Variants in RBFOX3 observed in about 807,000 individuals in gnomAD.
RBFOX3 encodes the protein RNA binding fox-1 homolog 3, also known as RNA binding protein fox-1 homolog 3.
RBFOX3 carries 17 observed loss-of-function variants against 48.7 expected under a neutral mutation model. That is an observed-to-expected ratio of 0.35 (90% CI 0.24 to 0.52). The LOEUF (loss-of-function observed/expected upper bound fraction) is 0.52. Among genes scored for constraint, RBFOX3 ranks in the 20% least tolerant of loss-of-function variants. The pLI is 0.94. For missense variants in RBFOX3, 382 were observed against 497.5 expected (o/e 0.77, Z 2.21); for synonymous variants, 212 against 209.5 (o/e 1.01, Z -0.10).
chr17:79,445,410 C>G (rs936499483), intron 2 of RBFOX3, among the ~76,000 whole-genome samples: 2 of 152,160 alleles, frequency 1.3e-5, no homozygotes, highest in African/African-American at 2.4e-5. Flanking sequence ...CACTGCAGGG[C>G]TCTGGGGTCT....
chr17:79,129,617 G>A (rs2038285268), intron 4 of RBFOX3, among the ~76,000 whole-genome samples: 1 of 152,196 alleles, frequency 6.6e-6, no homozygotes, highest in Non-Finnish European at 1.5e-5. Flanking sequence ...AGGTGCAGAG[G>A]ACACCATAGC....
intron 2 of RBFOX3, among the ~76,000 whole-genome samples, chr17:79,386,134 G>A (rs2060531675): frequency 6.7e-6 from 1 of 149,254 alleles, no homozygotes; most frequent in Non-Finnish European, 1.5e-5. Context: ...ACAGAAAGAG[G>A]CTCCATCATC....
chr17:79,428,465 G>A (rs2148849585), intron 2 of RBFOX3, among the ~76,000 whole-genome samples: 1 of 152,356 alleles, frequency 6.6e-6, no homozygotes, highest in African/African-American at 2.4e-5. Context: ...AGCCCTCTTA[G>A]GCTGGTCTCA....
intron 4 of RBFOX3, among the ~76,000 whole-genome samples, chr17:79,170,435 G>A: frequency 6.6e-6 from 1 of 152,138 alleles, no homozygotes; most frequent in East Asian, 1.9e-4. Context: ...GGGAGGGAAG[G>A]TGTTTTCTCC....
At chr17:79,650,835 G>C in the RBFOX3 span, among the ~76,000 whole-genome samples, 2 of 152,188 alleles carry the variant, frequency 1.3e-5, no homozygotes, top group South Asian at 2.1e-4. Context: ...ATCTCCAAGC[G>C]CCCTGCAGGC....
chr17:79,412,853 T>C (rs1267655614), intron 2 of RBFOX3, among the ~76,000 whole-genome samples: 1 of 151,620 alleles, frequency 6.6e-6, no homozygotes, highest in Non-Finnish European at 1.5e-5. Context: ...TGCGTGTGTG[T>C]ATGAATGTAT....
intron 2 of RBFOX3, among the ~76,000 whole-genome samples, chr17:79,442,236 A>G (rs142087334): frequency 0.46 from 2,385 of 5,190 alleles, 309 homozygotes; most frequent in East Asian, 0.51. Flanking sequence ...AGAGAGAGAG[A>G]GAGAGAGAGA....
At chr17:79,107,531 CT>C (rs957734259) in intron 5 of RBFOX3, among the ~76,000 whole-genome samples, 45 of 152,202 alleles carry the variant, frequency 3.0e-4, no homozygotes, top group African/African-American at 1.1e-3. Context: ...CTGTGTGAGG[CT>C]TTTCCTGCGT....
At chr17:79,490,360 G>T (rs2080309096) in intron 1 of RBFOX3, among the ~76,000 whole-genome samples, 1 of 152,162 alleles carries the variant, frequency 6.6e-6, no homozygotes, top group African/African-American at 2.4e-5. Flanking sequence ...CTGTAATTTG[G>T]GAAGCAATTT....
rs1283812441 is a variant in RBFOX3 at position 79,220,961 on chromosome 17, C to T, written c.-34+14805G>A. On this transcript the variant is annotated intron_variant, in intron 4 of 14. Transcript: ENST00000693108. The surrounding 1 kb of genome is among the most constrained non-coding windows in gnomAD (Gnocchi z 5.9). ...GGGCCACCGCCTGCAGGAGAGCCTG[C>T]ATCTAACGTCTGTCCTGCCTCAGCG... is the stretch of plus-strand genomic sequence containing the variant. Among the ~76,000 whole-genome samples the T allele has an allele frequency of 1.3e-5, 2 of 152,180 alleles. No homozygotes were observed. Among genetic ancestry groups the T allele is most frequent in the Non-Finnish European group, 2.9e-5 (2 of 68,034 alleles).
chr17:79,660,132 A>G, the RBFOX3 span, among the ~76,000 whole-genome samples: 1 of 152,228 alleles, frequency 6.6e-6, no homozygotes, highest in African/African-American at 2.4e-5. Context: ...GGTTGCAGTA[A>G]GCCAAGATAA....
At chr17:79,476,314 C>T (rs797041171) in intron 2 of RBFOX3, among the ~76,000 whole-genome samples, 41 of 152,362 alleles carry the variant, frequency 2.7e-4, no homozygotes, top group African/African-American at 7.2e-4. Context: ...CAGTCTCCTC[C>T]GCTGCTCACT....
intron 1 of RBFOX3, among the ~76,000 whole-genome samples, chr17:79,582,510 G>T (rs2093105723): frequency 6.6e-6 from 1 of 152,084 alleles, no homozygotes; most frequent in Non-Finnish European, 1.5e-5. Flanking sequence ...CTCTGTTCAA[G>T]ATGCAATTCC....
In RBFOX3 at chr17:79,483,432, T is replaced by C. The variant is rs1395632623; in HGVS notation, c.-319-834A>G. Among the ~76,000 whole-genome samples the C allele has an allele frequency of 1.4e-4, 5 of 34,552 alleles. No homozygotes were observed. In the South Asian group the frequency reaches 3.2e-3, roughly 22 times the overall value. 22.7% of individuals were successfully genotyped at this position (34,552 alleles called of 152,430 possible). On this transcript the variant is annotated intron_variant, in intron 1 of 14. Coordinates refer to ENST00000693108, the MANE Select transcript of RBFOX3 (RefSeq NM_001350451.2). ...GCATGGAATGCTCTTCCCTGCACAATTGCAGGCCTCCCTCCCTCCCTCCCT... is the reference window on the plus strand; with the variant it reads ...GCATGGAATGCTCTTCCCTGCACAACTGCAGGCCTCCCTCCCTCCCTCCCT...
intron 2 of RBFOX3, among the ~76,000 whole-genome samples, chr17:79,365,871 C>T (rs56184661): frequency 0.12 from 18,611 of 152,272 alleles, 1,439 homozygotes; most frequent in Middle Eastern, 0.17. Flanking sequence ...AAGAGCACAG[C>T]GGCCACACCT....
rs147955756 is a variant in RBFOX3 at position 79,121,127 on chromosome 17, G to T, written c.-33-5379C>A. Among the ~76,000 whole-genome samples, 297 of 151,986 alleles carry T rather than the reference G, an allele frequency of 2.0e-3. 1 individual carries two copies. The South Asian group carries it at 0.022, about 11-fold the overall frequency. On this transcript the variant is annotated intron_variant, in intron 4 of 14. Transcript: ENST00000693108. ...CAGGAGACAACATCCACATTCACCT[G>T]CCCACCTCCCTGCCTCGTCACCTAC...
chr17:79,199,334 T>C lies in RBFOX3; in HGVS notation c.-34+36432A>G, dbSNP rs529742765. Among the ~76,000 whole-genome samples, 183 of 152,268 alleles carry C rather than the reference T, an allele frequency of 1.2e-3. No individual in the cohort carries two copies. The highest frequency in any genetic ancestry group is 3.4e-3 in the Middle Eastern group (1 of 294). ...TCCTGGCTCTCATTCATCCTGCCCT[T>C]CTTCTTCCAGCAGGTGGGAGGGTCA... On this transcript the variant is annotated intron_variant, in intron 4 of 14. Transcript: ENST00000693108. The surrounding 1 kb of genome is among the most constrained non-coding windows in gnomAD (Gnocchi z 5.1).
At chr17:79,568,053 G>A (rs1461351466) in intron 1 of RBFOX3, among the ~76,000 whole-genome samples, 8 of 152,160 alleles carry the variant, frequency 5.3e-5, no homozygotes, top group South Asian at 2.1e-4. Flanking sequence ...GTCACACTGC[G>A]TGTACTTGCG....
intron 1 of RBFOX3, among the ~76,000 whole-genome samples, chr17:79,559,311 T>C (rs2092010600): frequency 1.3e-5 from 2 of 150,432 alleles, no homozygotes; most frequent in African/African-American, 2.5e-5. Context: ...GGGTGGTGGA[T>C]GGTAGATAGG....
Sources: gnomAD v4.1 joint callset for allele counts (sites outside exome capture counted in the v4.1 genomes callset) on GRCh38, gnomAD v4.1.1 for gene constraint, Gnocchi (gnomAD v3.1) non-coding constraint, MANE v1.5 for transcripts, NCBI Gene and HGNC (gene_info 2026-07-23, HGNC 2026-07-21) for gene names.